Variants in PCDHGB1 observed in about 807,000 individuals in gnomAD.
PCDHGB1 encodes protocadherin gamma subfamily B, 1.
In PCDHGB1, 34 loss-of-function variants were observed where a neutral mutation model predicts 56.6. The observed-to-expected ratio is 0.60, with a 90% confidence interval of 0.46 to 0.80. The LOEUF is 0.80. Among genes scored for constraint, PCDHGB1 ranks in the 30% least tolerant of loss-of-function variants. PCDHGB1 has a pLI of 0.00. For synonymous variants in PCDHGB1, 561 were observed against 505.9 expected (o/e 1.11, Z -1.46); for missense variants, 1,278 against 1,204.6 (o/e 1.06, Z -0.90).
intron 1 of PCDHGB1, chr5:141,367,540 A>G (rs965275207): frequency 2.6e-4 from 27 of 102,848 alleles, no homozygotes; most frequent in African/African-American, 1.6e-3. Context: ...CCGTCTCAAA[A>G]TAAATAAATA....
chr5:141,415,744 T>TG (rs2095925177), intron 1 of PCDHGB1: 4 of 404,428 alleles, frequency 9.9e-6, no homozygotes, highest in Admixed American at 2.1e-4. Flanking sequence ...ATTAAGGTTT[T>TG]TTTTTTTTTT....
chr5:141,374,582 C>T, intron 1 of PCDHGB1: 1 of 1,613,744 alleles, frequency 6.2e-7, no homozygotes, highest in Non-Finnish European at 8.5e-7. Context: ...AATGAACTCC[C>T]TTCAGGGATT....
At chr5:141,409,719 CAGTG>C (rs2095305881) in intron 1 of PCDHGB1, 2 of 1,613,090 alleles carry the variant, frequency 1.2e-6, no homozygotes, top group South Asian at 2.2e-5. Flanking sequence ...TCATACGTGT[CAGTG>C]AGCGCGCAGA....
At chr5:141,376,267 G>T (rs1021502624) in intron 1 of PCDHGB1, 2 of 1,614,210 alleles carry the variant, frequency 1.2e-6, no homozygotes. Flanking sequence ...TGCAGGCTTC[G>T]GGAGGTGGCT....
chr5:141,396,628 A>G (rs1384822433), intron 1 of PCDHGB1: 2 of 152,210 alleles, frequency 1.3e-5, no homozygotes, highest in Non-Finnish European at 2.9e-5. Flanking sequence ...TCAAAAAAAA[A>G]AAAAACTAAT....
At position 141,404,477 on chromosome 5, in the gene PCDHGB1, T is replaced by C. The variant is rs750187565; in HGVS notation, c.2409+51808T>C. On this transcript the variant is annotated intron_variant, in intron 1 of 3. Coordinates refer to ENST00000523390, the MANE Select transcript of PCDHGB1 (RefSeq NM_018922.3). ...TCTCTCCACCTATGTCTCTATTAAC[T>C]CAGACACTGGTGTGCTGTATGCTCT... is the stretch of plus-strand genomic sequence containing the variant. The C allele has an allele frequency of 3.1e-6, 5 of 1,613,408 alleles. No individual in the cohort carries two copies. In the South Asian group the frequency reaches 4.4e-5, roughly 14 times the overall value.
Position 141,351,548 on chromosome 5 carries a change from T to A in PCDHGB1, c.1288T>A (p.Ser430Thr), listed in dbSNP as rs1218357607. Residue 430 changes from serine to threonine, a missense_variant, in exon 1 of 4, where the codon TCC becomes ACC. By Grantham distance (58) the Ser-to-Thr change is moderately conservative. Transcript: ENST00000523390. ...CGACAAGGGCAAACCAGCCCTTTCC[T>A]CCAGGACAAGCATCACCCTGCACAT... The part of the protein sequence containing the change: ...ATDKGKPALS[S>T]RTSITLHISD... The A allele has an allele frequency of 6.2e-7, 1 of 1,613,836 alleles. No individual in the cohort carries two copies. The highest frequency in any genetic ancestry group is 1.7e-5 in the Admixed American group (1 of 60,012).
At position 141,431,808 on chromosome 5, in the gene PCDHGB1, C is replaced by A. The variant is rs2097419249; in HGVS notation, c.2410-62999C>A. Reference sequence around the variant, plus strand: ...GACAATGCCCCAGAAGTGGTCCTCACCTCTCTCGCCAGCTCGGTTCCCGAA... The same window carrying A: ...GACAATGCCCCAGAAGTGGTCCTCAACTCTCTCGCCAGCTCGGTTCCCGAA... On this transcript the variant is annotated intron_variant, in intron 1 of 3. Transcript: ENST00000523390. The surrounding 1 kb of genome is among the most constrained non-coding windows in gnomAD (Gnocchi z 4.8). The A allele has an allele frequency of 6.2e-7, 1 of 1,614,236 alleles. No individual in the cohort carries two copies. Among genetic ancestry groups the A allele is most frequent in the Non-Finnish European group, 8.5e-7 (1 of 1,180,040 alleles).
At chr5:141,410,189 G>A in intron 1 of PCDHGB1, 1 of 1,613,992 alleles carries the variant, frequency 6.2e-7, no homozygotes, top group Non-Finnish European at 8.5e-7. Context: ...GCTTCATCTG[G>A]TCTTCGCAGA....
At chr5:141,402,919 G>T in intron 1 of PCDHGB1, 1 of 1,572,640 alleles carries the variant, frequency 6.4e-7, no homozygotes, top group Non-Finnish European at 8.6e-7. Flanking sequence ...CGCGCACAGA[G>T]ATCCTTTTGA....
In PCDHGB1 at chr5:141,500,452, G is replaced by A. The variant is rs554196222; in HGVS notation, c.2469-4941G>A. 2.6e-3 allele frequency among the ~76,000 whole-genome samples: 398 copies of A among 151,620 alleles called. 2 individuals carry two copies. The highest frequency in any genetic ancestry group is 0.021 in the South Asian group (99 of 4,798). On this transcript the variant is annotated intron_variant, in intron 2 of 3. Transcript: ENST00000523390. ...TCTCGATCTCCTGACCTCGTGATCC[G>A]CCCGCCTCGGCCTCCCAAAGTGCTG... is the stretch of plus-strand genomic sequence containing the variant.
chr5:141,352,821 C>G, intron 1 of PCDHGB1, 152 bp downstream of exon 1: 2 of 796,944 alleles, frequency 2.5e-6, no homozygotes, highest in Non-Finnish European at 3.9e-6. Context: ...AAAACCCGGT[C>G]TACTAAAATT....
At chr5:141,380,044 T>G (rs2150154825) in intron 1 of PCDHGB1, among the ~76,000 whole-genome samples, 1 of 151,770 alleles carries the variant, frequency 6.6e-6, no homozygotes, top group African/African-American at 2.4e-5. Context: ...GGATTACAGG[T>G]GCATGCCACC....
rs1758636666 is a variant in PCDHGB1 at position 141,351,076 on chromosome 5, A to G, written c.816A>G (p.Ala272=). 1.9e-6 allele frequency: 3 copies of G among 1,613,906 alleles called. No individual in the cohort carries two copies. In the South Asian group the frequency reaches 3.3e-5, roughly 18 times the overall value. ...MATDQDEGIN[A]EITYAFLNSP... Reference sequence around the variant, plus strand: ...CAGACCAGGATGAGGGCATTAATGCAGAGATCACCTATGCCTTCCTCAATT... The same window carrying G: ...CAGACCAGGATGAGGGCATTAATGCGGAGATCACCTATGCCTTCCTCAATT... Residue 272 remains alanine (A), a synonymous_variant, in exon 1 of 4, where the codon GCA becomes GCG. Coordinates refer to ENST00000523390, the MANE Select transcript of PCDHGB1 (RefSeq NM_018922.3).
chr5:141,486,555 A>T lies in PCDHGB1; in HGVS notation c.2410-8252A>T, dbSNP rs746001345. The T allele has an allele frequency of 6.2e-6, 10 of 1,614,078 alleles. No individual in the cohort carries two copies. Among genetic ancestry groups the T allele is most frequent in the Non-Finnish European group, 7.6e-6 (9 of 1,180,022 alleles). ...CCCTCTTTCTTTCAGAGGTCACATGAGGTGTTTGTTCCTGAGAACAATCGC... is the reference window on the plus strand; with the variant it reads ...CCCTCTTTCTTTCAGAGGTCACATGTGGTGTTTGTTCCTGAGAACAATCGC... On this transcript the variant is annotated intron_variant, in intron 1 of 3. Transcript: ENST00000523390. This position sits in a 1 kb window ranked among gnomAD's most constrained non-coding sequence, Gnocchi z 5.0.
At chr5:141,367,851 G>C (rs149342716) in intron 1 of PCDHGB1, 1 of 151,844 alleles carries the variant, frequency 6.6e-6, no homozygotes, top group Admixed American at 6.6e-5. Flanking sequence ...CAATGTTAGC[G>C]TTTCTTTAAG....
chr5:141,421,871 C>CT, intron 1 of PCDHGB1: 1 of 1,613,756 alleles, frequency 6.2e-7, no homozygotes, highest in East Asian at 2.2e-5. Flanking sequence ...CTCCTCACAG[C>CT]TTTAGATGGA....
chr5:141,496,589 G>A (rs914585858), intron 2 of PCDHGB1, among the ~76,000 whole-genome samples: 7 of 152,124 alleles, frequency 4.6e-5, no homozygotes, highest in Admixed American at 6.5e-5. Flanking sequence ...AACGCAAAGC[G>A]CTTCTTAGAA....
At chr5:141,409,546 C>G in intron 1 of PCDHGB1, 1 of 1,613,998 alleles carries the variant, frequency 6.2e-7, no homozygotes, top group Non-Finnish European at 8.5e-7. Flanking sequence ...TCAACGACAA[C>G]GCCCCAGTTT....
Sources: allele counts gnomAD v4.1 joint callset (sites outside exome capture counted in the v4.1 genomes callset), GRCh38; gene constraint gnomAD v4.1.1; non-coding constraint Gnocchi (gnomAD v3.1); transcripts MANE v1.5; gene names NCBI Gene and HGNC (gene_info 2026-07-23, HGNC 2026-07-21).